DACH1: variants seen among roughly 807,000 people sequenced by gnomAD.
DACH1 encodes the protein dachshund family transcription factor 1.
DACH1 carries 12 observed loss-of-function variants against 54.2 expected under a neutral mutation model. The ratio of observed to expected loss-of-function variants is 0.22; its 90% CI spans 0.14 to 0.36. The LOEUF (loss-of-function observed/expected upper bound fraction) is 0.36. Ranked by LOEUF, DACH1 falls within the 10% of genes least tolerant of loss-of-function variation. The pLI is 1.00. For missense variants in DACH1, 805 were observed against 929.8 expected (o/e 0.87, Z 1.75); for synonymous variants, 386 against 366.2 (o/e 1.05, Z -0.62).
chr13:71,856,000 T>A (rs1873977309), intron 1 of DACH1, among the ~76,000 whole-genome samples: 1 of 151,954 alleles, frequency 6.6e-6, no homozygotes, highest in Non-Finnish European at 1.5e-5. Flanking sequence ...AAAGTAACAT[T>A]TTAATAGCAT....
chr13:71,675,566 T>A, intron 2 of DACH1: 2 of 741,120 alleles, frequency 2.7e-6, no homozygotes, highest in Non-Finnish European at 4.4e-6. Flanking sequence ...ACGTTAGATA[T>A]TTTTTTTCCA....
chr13:71,583,898 T>G (rs965753565), intron 3 of DACH1, among the ~76,000 whole-genome samples: 2 of 152,176 alleles, frequency 1.3e-5, no homozygotes, highest in African/African-American at 4.8e-5. Context: ...GTTATCTGAT[T>G]CTAAAAAATA....
chr13:71,817,291 A>T (rs1467934559), intron 1 of DACH1, among the ~76,000 whole-genome samples: 1 of 152,328 alleles, frequency 6.6e-6, no homozygotes, highest in East Asian at 1.9e-4. Flanking sequence ...TGGATGGCCC[A>T]TATGCCAGCT....
chr13:71,593,967 C>T (rs927550854), intron 3 of DACH1, among the ~76,000 whole-genome samples: 1 of 151,110 alleles, frequency 6.6e-6, no homozygotes, highest in African/African-American at 2.4e-5. Flanking sequence ...TATAGGTTAA[C>T]AATATAATTT....
At chr13:71,642,881 C>T (rs1169950334) in intron 2 of DACH1, among the ~76,000 whole-genome samples, 2 of 150,034 alleles carry the variant, frequency 1.3e-5, no homozygotes, top group Non-Finnish European at 3.0e-5. Context: ...AAAAATTAGC[C>T]AGACATAGTG....
At chr13:71,569,733 T>C (rs928529673) in intron 4 of DACH1, among the ~76,000 whole-genome samples, 1 of 152,184 alleles carries the variant, frequency 6.6e-6, no homozygotes, top group African/African-American at 2.4e-5. Flanking sequence ...AAATTGTTAT[T>C]GCCATTTGCA....
At chr13:71,689,763 C>T (rs1173450271) in intron 1 of DACH1, among the ~76,000 whole-genome samples, 1 of 152,130 alleles carries the variant, frequency 6.6e-6, no homozygotes, top group South Asian at 2.1e-4. Context: ...CACTCTTAAG[C>T]ATTTGTATAT....
At chr13:71,763,517 T>C (rs1253348821) in intron 1 of DACH1, among the ~76,000 whole-genome samples, 2 of 144,588 alleles carry the variant, frequency 1.4e-5, no homozygotes, top group Non-Finnish European at 3.0e-5. Flanking sequence ...TTTAATATCT[T>C]ATCAAAGCTC....
At chr13:71,701,306 C>T (rs568892265) in intron 1 of DACH1, among the ~76,000 whole-genome samples, 5 of 152,026 alleles carry the variant, frequency 3.3e-5, no homozygotes, top group Admixed American at 2.6e-4. Flanking sequence ...ATATTTAAAT[C>T]TGAGATTTCA....
chr13:71,600,761 C>T (rs1366150358), intron 3 of DACH1, among the ~76,000 whole-genome samples: 3 of 151,912 alleles, frequency 2.0e-5, no homozygotes, highest in Non-Finnish European at 4.4e-5. Context: ...TAATGGTTTT[C>T]AAGTTTATAT....
chr13:71,735,514 TGTATATGGGATATACAC>T (rs1476610021), intron 1 of DACH1, among the ~76,000 whole-genome samples: 4 of 21,548 alleles, frequency 1.9e-4, no homozygotes, highest in African/African-American at 1.9e-4. Flanking sequence ...GGGATATACG[TGTATATGGGATATACAC>T]GTATATGGGA....
rs1878783608 is a variant in DACH1, at chr13:71,489,136, A to T, written c.1583T>A (p.Leu528His). The T allele has an allele frequency of 6.2e-7, 1 of 1,612,798 alleles. No homozygotes were observed. The highest frequency in any genetic ancestry group is 8.5e-7 in the Non-Finnish European group (1 of 1,179,324). The change falls in exon 7 of 11, where the codon CTT (leucine) becomes CAT (histidine). Residue 528 changes from leucine (L) to histidine (H), a missense_variant. By Grantham distance (99) the Leu-to-His change is moderately conservative. This residue lies in a region of DACH1 where 472 missense variants were observed against 545.3 expected (regional missense o/e 0.87). Transcript: ENST00000613252. The stretch of plus-strand genomic sequence containing the variant: ...GCTGTCTCTTGCGGTTGGTGTAGAA[A>T]GCGGGGTCTCATCTGCATGTGATTG... ...RMHIEKDETPLSTPTARDSLD... is the reference protein window; with the variant it reads ...RMHIEKDETPHSTPTARDSLD...
intron 6 of DACH1, among the ~76,000 whole-genome samples, chr13:71,497,903 GAT>G (rs1879579937): frequency 2.8e-5 from 4 of 143,966 alleles, no homozygotes; most frequent in South Asian, 4.5e-4. Context: ...CACACACACA[GAT>G]ACACAGACAC....
intron 1 of DACH1, among the ~76,000 whole-genome samples, chr13:71,821,341 C>G (rs529034197): frequency 7.4e-6 from 1 of 134,570 alleles, no homozygotes; most frequent in African/African-American, 2.7e-5. Flanking sequence ...CAAAGTCCCT[C>G]CTGTGTGCCT....
chr13:71,703,939 A>G (rs1295168523), intron 1 of DACH1, among the ~76,000 whole-genome samples: 1 of 152,186 alleles, frequency 6.6e-6, no homozygotes, highest in African/African-American at 2.4e-5. Context: ...ATGGAGGGGA[A>G]GATGAATACA....
In DACH1 at chr13:71,475,166, T is replaced by C; in HGVS notation, c.2058A>G (p.Arg686=). 6.2e-7 allele frequency: 1 copy of C among 1,613,988 alleles called. No individual in the cohort carries two copies. The highest frequency in any genetic ancestry group is 8.5e-7 in the Non-Finnish European group (1 of 1,179,898). Residue 686 remains arginine, a synonymous_variant, in exon 10 of 11, where the codon AGA becomes AGG. Transcript: ENST00000613252. ...CTTGTATTGTCCTTTCAGCATCTGT[T>C]CTGCCGCCACTGCGGTCAGCCTCTA... ...PEIEADRSGG[R]TDAERTIQDG... is the part of the protein sequence containing the mutation.
At chr13:71,830,145 T>C (rs1315508977) in intron 1 of DACH1, among the ~76,000 whole-genome samples, 1 of 151,868 alleles carries the variant, frequency 6.6e-6, no homozygotes, top group African/African-American at 2.4e-5. Flanking sequence ...AGTAAAAAAG[T>C]TAAGAATACG....
At chr13:71,624,991 C>T (rs1876537406) in intron 3 of DACH1, among the ~76,000 whole-genome samples, 1 of 151,920 alleles carries the variant, frequency 6.6e-6, no homozygotes, top group Non-Finnish European at 1.5e-5. Context: ...AATTGCTATA[C>T]CTGCCCATCA....
rs1210209283 is a variant in DACH1 at position 71,439,426 on chromosome 13, C to G, written c.*1229G>C. 1 of 152,452 alleles carries G rather than the reference C, an allele frequency of 6.6e-6. No homozygotes were observed. Among genetic ancestry groups the G allele is most frequent in the African/African-American group, 2.4e-5 (1 of 41,440 alleles). The allele number at this position is 152,452 out of a possible 1,614,324, so 9.4% of individuals were successfully genotyped here. A position where few individuals can be genotyped will look rare whatever the true frequency, so the allele number is the denominator to read the frequency against. ...CCTCTGACAAGGGTGGGAAGCACAG[C>G]ACATTTTAACTTTATCACTCAGCGC... On this transcript the variant is annotated 3_prime_UTR_variant, in exon 11 of 11. Transcript: ENST00000613252.
Sources: gnomAD v4.1 joint callset for allele counts (sites outside exome capture counted in the v4.1 genomes callset) on GRCh38, gnomAD v4.1.1 for gene constraint, gnomAD v4.1.1 regional missense constraint, MANE v1.5 for transcripts, NCBI Gene and HGNC (gene_info 2026-07-23, HGNC 2026-07-21) for gene names.